Variants in GCSAML observed in about 807,000 individuals in gnomAD.
GCSAML encodes the protein germinal center-associated signaling and motility-like protein.
In GCSAML, 9 loss-of-function variants were observed where a neutral mutation model predicts 13.0. The ratio of observed to expected loss-of-function variants is 0.69; its 90% CI spans 0.42 to 1.21. The LOEUF is 1.21. Among genes scored for constraint, GCSAML ranks in the 50% most tolerant of loss-of-function variants. The pLI is 0.00. For missense variants in GCSAML, 143 were observed against 153.4 expected (o/e 0.93, Z 0.36); for synonymous variants, 37 against 52.9 (o/e 0.70, Z 1.31).
chr1:247,524,744 C>G (rs953717653), intron 1 of GCSAML: 1 of 151,834 alleles, frequency 6.6e-6, no homozygotes, highest in Non-Finnish European at 1.5e-5. Flanking sequence ...ACAAAGGAAA[C>G]AAACAAAACA....
intron 2 of GCSAML, chr1:247,532,511 T>C (rs1414930847): frequency 6.2e-7 from 1 of 1,612,116 alleles, no homozygotes; most frequent in African/African-American, 1.3e-5. Context: ...ATTTCCATCA[T>C]TGTATGCTGG....
chr1:247,537,051 A>G (rs1223700947), intron 2 of GCSAML, among the ~76,000 whole-genome samples: 2 of 152,206 alleles, frequency 1.3e-5, no homozygotes, highest in Admixed American at 1.3e-4. Flanking sequence ...AGACTGTACC[A>G]TCACCTCTAT....
At chr1:247,545,924 A>G (rs1434002805), upstream of GCSAML, among the ~76,000 whole-genome samples, 2 of 152,176 alleles carry the variant, frequency 1.3e-5, no homozygotes, top group Non-Finnish European at 2.9e-5. Context: ...TCAAGAGTGT[A>G]GATCTCATGT....
At chr1:247,522,900 A>G (rs1424368495) in intron 1 of GCSAML, among the ~76,000 whole-genome samples, 1 of 142,770 alleles carries the variant, frequency 7.0e-6, no homozygotes, top group African/African-American at 2.7e-5. Context: ...AACACCCAAG[A>G]ATGATCAATA....
intron 4 of GCSAML, among the ~76,000 whole-genome samples, chr1:247,569,680 G>C (rs1032911664): frequency 1.4e-4 from 21 of 152,040 alleles, no homozygotes; most frequent in Non-Finnish European, 2.8e-4. Flanking sequence ...TTTTTGTTTT[G>C]TCTCTGGCAA....
At chr1:247,551,872 C>T (rs1311755038) in intron 1 of GCSAML, among the ~76,000 whole-genome samples, 2 of 152,184 alleles carry the variant, frequency 1.3e-5, no homozygotes, top group Admixed American at 6.5e-5. Flanking sequence ...CTTGTTCTGT[C>T]TGTTTAGATT....
intron 2 of GCSAML, among the ~76,000 whole-genome samples, chr1:247,559,385 A>G (rs550100393): frequency 1.3e-5 from 2 of 152,240 alleles, no homozygotes; most frequent in South Asian, 4.2e-4. Context: ...GTAGCAATTC[A>G]TGACAGTATT....
rs1668815798 is a variant in GCSAML at position 247,575,870 on chromosome 1, C to T, written c.*1488C>T. 1 of 152,084 alleles carries T rather than the reference C, an allele frequency of 6.6e-6. No individual in the cohort carries two copies. The allele number at this position is 152,084 out of a possible 1,614,324, so 9.4% of individuals were successfully genotyped here. On this transcript the variant is annotated 3_prime_UTR_variant, in exon 5 of 5. Transcript: ENST00000366488. ...ATCCATCTAATTATGCTTTCTTTCC[C>T]AAGAAGTTTTTTAATGATATGCCAG...
At chr1:247,559,787 A>T (rs73150472) in intron 2 of GCSAML, among the ~76,000 whole-genome samples, 39,145 of 152,070 alleles carry the variant, frequency 0.26, 8,150 homozygotes, top group African/African-American at 0.58. Context: ...TGACTGTCTT[A>T]TCCCTGAGTC....
rs564812591 is a variant in GCSAML at position 247,561,991 on chromosome 1, G to A, written c.90-1599G>A. Among the ~76,000 whole-genome samples the A allele has an allele frequency of 2.6e-5, 4 of 152,232 alleles. No individual in the cohort carries two copies. The East Asian group carries it at 7.7e-4, about 29-fold the overall frequency. On this transcript the variant is annotated intron_variant, in intron 2 of 4. Coordinates refer to ENST00000366488, the MANE Select transcript of GCSAML (RefSeq NM_145278.5). Reference sequence around the variant, plus strand: ...AATGGATCCCTCAGGCTTAAGACCTGTCCTCTTCAATGGCTTACAATCAAG... The same window carrying A: ...AATGGATCCCTCAGGCTTAAGACCTATCCTCTTCAATGGCTTACAATCAAG...
intron 2 of GCSAML, chr1:247,528,648 T>C (rs1425846865): frequency 1.3e-5 from 2 of 152,232 alleles, no homozygotes; most frequent in Non-Finnish European, 2.9e-5. Context: ...AACTTCCCAG[T>C]GGTCAAACTA....
chr1:247,521,527 G>T (rs1666425811), intron 1 of GCSAML, among the ~76,000 whole-genome samples: 1 of 152,202 alleles, frequency 6.6e-6, no homozygotes, highest in Admixed American at 6.5e-5. Context: ...ATTGCAGGGG[G>T]CGCCACGACG....
At chr1:247,538,837 G>C (rs777162169) in intron 2 of GCSAML, 1 of 445,926 alleles carries the variant, frequency 2.2e-6, no homozygotes, top group Non-Finnish European at 4.5e-6. Context: ...AGTTTGTGGT[G>C]TTTTGTTATG....
chr1:247,517,969 C>A (rs1354814733), intron 1 of GCSAML, among the ~76,000 whole-genome samples: 1 of 152,198 alleles, frequency 6.6e-6, no homozygotes, highest in East Asian at 1.9e-4. Context: ...CTTTTACTTT[C>A]TGGCCGTGAC....
chr1:247,520,274 C>T (rs1020679974), intron 1 of GCSAML, among the ~76,000 whole-genome samples: 21 of 152,232 alleles, frequency 1.4e-4, no homozygotes, highest in Middle Eastern at 3.4e-3. Context: ...ATGACATTAA[C>T]ATTTAGATTG....
intron 1 of GCSAML, among the ~76,000 whole-genome samples, chr1:247,520,941 GCT>G (rs1370664663): frequency 1.3e-5 from 2 of 152,294 alleles, no homozygotes; most frequent in South Asian, 2.1e-4. Context: ...TTTTTTCACT[GCT>G]CTGTCTTATA....
intron 4 of GCSAML, among the ~76,000 whole-genome samples, chr1:247,573,116 G>A (rs1668689103): frequency 6.6e-6 from 1 of 152,238 alleles, no homozygotes; most frequent in Non-Finnish European, 1.5e-5. Context: ...CTCCATGGTG[G>A]TGGGACCCAC....
At chr1:247,567,088 G>A (rs1332073677) in intron 4 of GCSAML, among the ~76,000 whole-genome samples, 1 of 150,464 alleles carries the variant, frequency 6.6e-6, no homozygotes, top group Admixed American at 6.6e-5. Context: ...AGGTCTCTAA[G>A]ACACCAGGGC....
chr1:247,561,418 C>T lies in GCSAML; in HGVS notation c.90-2172C>T, dbSNP rs115433650. ...TGGGAACATTACAATTCTTTTCTTC[C>T]AGCTATTTTGAAATATACAATAAAT... is the stretch of plus-strand genomic sequence containing the variant. On this transcript the variant is annotated intron_variant, in intron 2 of 4. Coordinates refer to ENST00000366488, the MANE Select transcript of GCSAML (RefSeq NM_145278.5). Among the ~76,000 whole-genome samples the T allele has an allele frequency of 7.7e-3, 1,170 of 152,214 alleles. 9 individuals carry two copies. Among genetic ancestry groups the T allele is most frequent in the African/African-American group, 0.027 (1,114 of 41,520 alleles).
Sources: gnomAD v4.1 joint callset for allele counts (sites outside exome capture counted in the v4.1 genomes callset) on GRCh38, gnomAD v4.1.1 for gene constraint, MANE v1.5 for transcripts, NCBI Gene and HGNC (gene_info 2026-07-23, HGNC 2026-07-21) for gene names.